RAB31: variants seen among roughly 807,000 people sequenced by gnomAD.
The protein encoded by RAB31 is RAB31, member RAS oncogene family, also known as ras-related protein Rab-31.
In RAB31, 21 loss-of-function variants were observed where a neutral mutation model predicts 25.6. The ratio of observed to expected loss-of-function variants is 0.82; its 90% CI spans 0.58 to 1.18. RAB31 has a LOEUF of 1.18. Among genes scored for constraint, RAB31 ranks in the 50% most tolerant of loss-of-function variants. The probability of loss-of-function intolerance (pLI) is 0.00; values close to 1 mark genes in which losing one functional copy is unlikely to be tolerated. For synonymous variants in RAB31, 87 were observed against 84.0 expected (o/e 1.04, Z -0.20); for missense variants, 196 against 250.1 (o/e 0.78, Z 1.46).
intron 1 of RAB31, chr18:9,735,347 G>C (rs1361092490): frequency 9.5e-6 from 2 of 211,336 alleles, no homozygotes; most frequent in African/African-American, 4.6e-5. Flanking sequence ...GCATTTGCCT[G>C]TGTCTGCTCA....
intron 5 of RAB31, among the ~76,000 whole-genome samples, chr18:9,834,177 G>A (rs182289029): frequency 7.1e-4 from 108 of 152,220 alleles, no homozygotes; most frequent in African/African-American, 2.4e-3. Flanking sequence ...GTACAACGGT[G>A]TAATCTTGGC....
At chr18:9,846,865 A>T (rs543243171) in intron 6 of RAB31, among the ~76,000 whole-genome samples, 1 of 152,338 alleles carries the variant, frequency 6.6e-6, no homozygotes, top group Admixed American at 6.5e-5. Flanking sequence ...TGCAAAAGAA[A>T]TGTGCAAAAG....
In RAB31 at chr18:9,771,162, C is replaced by A. The variant is rs1260856648; in HGVS notation, c.40-4116C>A. Among the ~76,000 whole-genome samples, 4 of 151,956 alleles carry A rather than the reference C, an allele frequency of 2.6e-5. No homozygotes were observed. The East Asian group carries it at 7.7e-4, about 29-fold the overall frequency. On this transcript the variant is annotated intron_variant, in intron 1 of 6. Transcript: ENST00000578921. The stretch of plus-strand genomic sequence containing the variant: ...TTCCAGCCTGGGTGACAGAGCAAGA[C>A]CCTCTCTCTTAAAAAAATAAAGGAA...
intron 2 of RAB31, among the ~76,000 whole-genome samples, chr18:9,780,206 T>TA (rs796138639): frequency 2.6e-5 from 4 of 151,320 alleles, no homozygotes; most frequent in African/African-American, 9.7e-5. Flanking sequence ...ATGTTCACTC[T>TA]AAAAAAAACC....
intron 1 of RAB31, among the ~76,000 whole-genome samples, chr18:9,710,440 G>A (rs2145450191): frequency 6.6e-6 from 1 of 152,306 alleles, no homozygotes; most frequent in East Asian, 1.9e-4. Flanking sequence ...TCTTTGAGTG[G>A]CTTCCTGCAG....
At chr18:9,853,120 A>G (rs1018822922) in intron 6 of RAB31, among the ~76,000 whole-genome samples, 1 of 151,840 alleles carries the variant, frequency 6.6e-6, no homozygotes, top group East Asian at 1.9e-4. Flanking sequence ...TATATTTTGG[A>G]TACATATTTT....
chr18:9,720,939 G>T (rs80235315), intron 1 of RAB31, among the ~76,000 whole-genome samples: 4,003 of 152,204 alleles, frequency 0.026, 90 homozygotes, highest in Middle Eastern at 0.095. Flanking sequence ...ATGCAGATTT[G>T]GCTTAGCAGG....
At chr18:9,751,056 A>G (rs796949430) in intron 1 of RAB31, among the ~76,000 whole-genome samples, 3 of 152,120 alleles carry the variant, frequency 2.0e-5, no homozygotes, top group African/African-American at 7.2e-5. Flanking sequence ...TCTTTTTGAG[A>G]CAGAGTCTCG....
intron 5 of RAB31, 82 bp downstream of exon 5, chr18:9,815,304 C>T: frequency 1.5e-6 from 1 of 674,912 alleles, no homozygotes. Context: ...TCCTCCATCC[C>T]TGAGTGTCAT....
intron 1 of RAB31, among the ~76,000 whole-genome samples, chr18:9,723,032 C>A (rs1480897420): frequency 6.6e-6 from 1 of 152,130 alleles, no homozygotes; most frequent in African/African-American, 2.4e-5. Flanking sequence ...GCAAAGAATG[C>A]AATAGGTTTT....
intron 1 of RAB31, among the ~76,000 whole-genome samples, chr18:9,713,922 T>C (rs971028958): frequency 1.3e-5 from 2 of 152,192 alleles, no homozygotes; most frequent in African/African-American, 4.8e-5. Context: ...ACCCCATTCA[T>C]GAAGGCTCTA....
At chr18:9,719,520 T>C (rs900160162) in intron 1 of RAB31, among the ~76,000 whole-genome samples, 1 of 151,424 alleles carries the variant, frequency 6.6e-6, no homozygotes, top group African/African-American at 2.4e-5. Flanking sequence ...TTGTTTGTAA[T>C]CCCACAGCCA....
At chr18:9,725,926 A>G (rs978188693) in intron 1 of RAB31, 4 of 152,222 alleles carry the variant, frequency 2.6e-5, no homozygotes, top group Non-Finnish European at 5.9e-5. Context: ...ACAACAATAT[A>G]TTTGTTTAGC....
chr18:9,798,827 C>G (rs973216114), intron 3 of RAB31, among the ~76,000 whole-genome samples: 1 of 151,830 alleles, frequency 6.6e-6, no homozygotes, highest in African/African-American at 2.4e-5. Context: ...CAGTTGCTCA[C>G]GCCTGTAATC....
chr18:9,775,387 G>T, intron 2 of RAB31, 30 bp downstream of exon 2: 1 of 1,612,576 alleles, frequency 6.2e-7, no homozygotes. Flanking sequence ...TCTCCTTCGC[G>T]TTGCTTCCTT....
At chr18:9,736,222 C>G (rs747762176) in intron 1 of RAB31, among the ~76,000 whole-genome samples, 1 of 152,160 alleles carries the variant, frequency 6.6e-6, no homozygotes, top group South Asian at 2.1e-4. Flanking sequence ...GATCCTCTCC[C>G]CTCAGCTTCT....
At chr18:9,791,612 G>T (rs1021384639) in intron 2 of RAB31, among the ~76,000 whole-genome samples, 2 of 151,590 alleles carry the variant, frequency 1.3e-5, no homozygotes, top group East Asian at 1.9e-4. Context: ...CATATTTTTT[G>T]AGATGAAGTC....
chr18:9,802,572 A>T lies in RAB31; in HGVS notation c.201+10337A>T, dbSNP rs114730995. The stretch of plus-strand genomic sequence containing the variant: ...GCCTATAAGAGGGATCCACACTGAC[A>T]TCCTCCAGGAGCCCACGGTTTAATG... On this transcript the variant is annotated intron_variant, in intron 3 of 6. Coordinates refer to ENST00000578921, the MANE Select transcript of RAB31 (RefSeq NM_006868.4). Among the ~76,000 whole-genome samples the T allele has an allele frequency of 3.1e-3, 477 of 152,330 alleles. 2 individuals carry two copies. The highest frequency in any genetic ancestry group is 0.011 in the African/African-American group (466 of 41,578).
intron 6 of RAB31, among the ~76,000 whole-genome samples, chr18:9,856,755 T>C (rs1046756603): frequency 6.6e-6 from 1 of 152,206 alleles, no homozygotes; most frequent in Admixed American, 6.5e-5. Flanking sequence ...GCAAAAGTCC[T>C]GATTGCAGTG....
Sources: gnomAD v4.1 joint callset for allele counts (sites outside exome capture counted in the v4.1 genomes callset) on GRCh38, gnomAD v4.1.1 for gene constraint, MANE v1.5 for transcripts, NCBI Gene and HGNC (gene_info 2026-07-23, HGNC 2026-07-21) for gene names.